Variants in ZSCAN26 observed in about 807,000 individuals in gnomAD.
The protein encoded by ZSCAN26 is zinc finger and SCAN domain containing 26.
A neutral mutation model predicts 23.0 loss-of-function variants in ZSCAN26; 26 were observed. The ratio of observed to expected loss-of-function variants is 1.13; its 90% CI spans 0.83 to 1.57. The LOEUF (loss-of-function observed/expected upper bound fraction) is 1.57. Among genes scored for constraint, ZSCAN26 ranks in the 40% most tolerant of loss-of-function variants. The pLI, the probability that ZSCAN26 is intolerant of heterozygous loss-of-function variation, is 0.00. For synonymous variants in ZSCAN26, 180 were observed against 202.5 expected (o/e 0.89, Z 0.94); for missense variants, 528 against 568.5 (o/e 0.93, Z 0.72).
In ZSCAN26 at chr6:28,272,213, G is replaced by A. The variant is rs747661353; in HGVS notation, c.294G>A (p.Gln98=). 1.9e-6 allele frequency: 3 copies of A among 1,613,996 alleles called. No individual in the cohort carries two copies. In the African/African-American group the frequency reaches 4.0e-5, roughly 22 times the overall value. ...TCCTGGAGCTGCTGGTGCTGGAGCAGTTTCTGATCATCCTGCCTAAGGAGC... is the reference window on the plus strand; with the variant it reads ...TCCTGGAGCTGCTGGTGCTGGAGCAATTTCTGATCATCCTGCCTAAGGAGC... The part of the protein sequence containing the change: ...EQILELLVLE[Q]FLIILPKELQ... The change falls in exon 2 of 4, where the codon CAG becomes CAA. Residue 98 remains glutamine (Q), a synonymous_variant. Coordinates refer to ENST00000421553, the MANE Select transcript of ZSCAN26 (RefSeq NM_001023560.4).
chr6:28,267,213 G>A lies in ZSCAN26; in HGVS notation c.-67G>A, dbSNP rs776486690. 1 of 152,338 alleles carries A rather than the reference G, an allele frequency of 6.6e-6. No individual in the cohort carries two copies. Among genetic ancestry groups the A allele is most frequent in the Non-Finnish European group, 1.5e-5 (1 of 68,148 alleles). The allele number at this position is 152,338 out of a possible 1,614,324, so 9.4% of individuals were successfully genotyped here. A position where few individuals can be genotyped will look rare whatever the true frequency, so the allele number is the denominator to read the frequency against. Reference sequence around the variant, plus strand: ...TGGGTCCTCTGAGGCCCCTTGACCAGGTGAGCGGACCCTGGAGCTGGGCCC... The same window carrying A: ...TGGGTCCTCTGAGGCCCCTTGACCAAGTGAGCGGACCCTGGAGCTGGGCCC... On this transcript the variant is annotated splice_region_variant and 5_prime_UTR_variant, in exon 1 of 4. Transcript: ENST00000421553.
At chr6:28,273,482 A>G (rs1021230247) in intron 3 of ZSCAN26, among the ~76,000 whole-genome samples, 1 of 152,074 alleles carries the variant, frequency 6.6e-6, no homozygotes, top group Non-Finnish European at 1.5e-5. Flanking sequence ...CTGAGATTGC[A>G]GTGAGCTGAG....
chr6:28,276,529 C>T lies in ZSCAN26; in HGVS notation c.873C>T (p.Ala291=). Residue 291 remains alanine (A), a synonymous_variant, in exon 4 of 4, where the codon GCC becomes GCT. Transcript: ENST00000421553. The stretch of plus-strand genomic sequence containing the variant: ...ATCAGTGTCATGAGTGTGGGAAAGC[C>T]TTTCAGAGGAGTTCACACCTCGTCA... ...KGHQCHECGK[A]FQRSSHLVRH... 6.2e-7 allele frequency: 1 copy of T among 1,613,704 alleles called. No individual in the cohort carries two copies. Among genetic ancestry groups the T allele is most frequent in the Non-Finnish European group, 8.5e-7 (1 of 1,179,764 alleles).
intron 3 of ZSCAN26, among the ~76,000 whole-genome samples, chr6:28,275,774 T>A (rs894205962): frequency 1.3e-5 from 2 of 152,214 alleles, no homozygotes; most frequent in Admixed American, 6.5e-5. Flanking sequence ...GGGCACCACA[T>A]CTACATTTCT....
At position 28,277,133 on chromosome 6, in the gene ZSCAN26, A is replaced by G. The variant is rs1761985225; in HGVS notation, c.*37A>G. The G allele has an allele frequency of 6.3e-7, 1 of 1,576,292 alleles. No homozygotes were observed. Among genetic ancestry groups the G allele is most frequent in the African/African-American group, 1.4e-5 (1 of 73,562 alleles). On this transcript the variant is annotated 3_prime_UTR_variant, in exon 4 of 4. Transcript: ENST00000421553. ...CTCCTTGTAGAACATCAGAGAAGGC[A>G]CATTGACTAGCAAACAGCACTTTAG...
chr6:28,273,260 T>A (rs1761786344), intron 3 of ZSCAN26, among the ~76,000 whole-genome samples: 1 of 151,798 alleles, frequency 6.6e-6, no homozygotes, highest in African/African-American at 2.4e-5. Flanking sequence ...AAGCAAATAG[T>A]GGCCAGGCAT....
rs574074069 is a variant in ZSCAN26 at position 28,272,090 on chromosome 6, G to T, written c.171G>T (p.Leu57Phe). The change falls in exon 2 of 4, where the codon TTG (leucine) becomes TTT (phenylalanine). Residue 57 changes from leucine (L) to phenylalanine (F), a missense_variant. Leu to Phe is a conservative substitution (Grantham distance 22, BLOSUM62 0). Coordinates refer to ENST00000421553, the MANE Select transcript of ZSCAN26 (RefSeq NM_001023560.4). ...QEPLCKQFRQ[L>F]RYEETTGPRE... is the part of the protein sequence containing the mutation. ...CATTGTGCAAACAATTCAGGCAGTT[G>T]CGTTATGAAGAGACCACAGGACCTC... The T allele has an allele frequency of 8.2e-6, 13 of 1,578,976 alleles. No homozygotes were observed. In the East Asian group the frequency reaches 2.8e-4, roughly 34 times the overall value.
chr6:28,277,120 C>T lies in ZSCAN26; in HGVS notation c.*24C>T. 1 of 1,592,862 alleles carries T rather than the reference C, an allele frequency of 6.3e-7. No homozygotes were observed. Among genetic ancestry groups the T allele is most frequent in the Non-Finnish European group, 8.5e-7 (1 of 1,171,156 alleles). Reference sequence around the variant, plus strand: ...GATGAGGTGTTCTCTCCTTGTAGAACATCAGAGAAGGCACATTGACTAGCA... The same window carrying T: ...GATGAGGTGTTCTCTCCTTGTAGAATATCAGAGAAGGCACATTGACTAGCA... On this transcript the variant is annotated 3_prime_UTR_variant, in exon 4 of 4. Coordinates refer to ENST00000421553, the MANE Select transcript of ZSCAN26 (RefSeq NM_001023560.4).
At chr6:28,275,538 C>T (rs1280860032) in intron 3 of ZSCAN26, among the ~76,000 whole-genome samples, 2 of 152,106 alleles carry the variant, frequency 1.3e-5, no homozygotes, top group African/African-American at 2.4e-5. Flanking sequence ...GTGCAGGGAG[C>T]GACAGACATG....
chr6:28,272,296 T>C lies in ZSCAN26; in HGVS notation c.377T>C (p.Leu126Pro). Residue 126 changes from leucine to proline, a missense_variant, in exon 2 of 4, where the codon CTG becomes CCG. Coordinates refer to ENST00000421553, the MANE Select transcript of ZSCAN26 (RefSeq NM_001023560.4). ...PESREDVVVV[L>P]EDLQLDLGET... ...AGCAGGGAGGACGTGGTTGTTGTTC[T>C]GGAGGATTTGCAGCTGGATCTTGGA... 1 of 1,579,894 alleles carries C rather than the reference T, an allele frequency of 6.3e-7. No homozygotes were observed. Among genetic ancestry groups the C allele is most frequent in the Non-Finnish European group, 8.6e-7 (1 of 1,162,462 alleles).
intron 2 of ZSCAN26, 139 bp from the exon 3 acceptor site, chr6:28,272,531 C>A: frequency 1.0e-6 from 1 of 969,674 alleles, no homozygotes; most frequent in Non-Finnish European, 1.5e-6. Flanking sequence ...GAATGTGCAC[C>A]AGATTCCCCA....
At chr6:28,269,839 G>T (rs1761611638) in intron 1 of ZSCAN26, among the ~76,000 whole-genome samples, 1 of 152,156 alleles carries the variant, frequency 6.6e-6, no homozygotes, top group African/African-American at 2.4e-5. Context: ...CACCCTCACA[G>T]AAACATCCAG....
At chr6:28,270,565 A>G (rs982995235) in intron 1 of ZSCAN26, among the ~76,000 whole-genome samples, 7 of 152,246 alleles carry the variant, frequency 4.6e-5, no homozygotes, top group African/African-American at 1.7e-4. Flanking sequence ...GGCAGAAGGA[A>G]ATTCAGGTCT....
At chr6:28,275,069 T>C (rs1468056186) in intron 3 of ZSCAN26, among the ~76,000 whole-genome samples, 1 of 152,176 alleles carries the variant, frequency 6.6e-6, no homozygotes, top group Non-Finnish European at 1.5e-5. Context: ...TACTAATTCC[T>C]TCACTTTCAC....
At position 28,274,728 on chromosome 6, in the gene ZSCAN26, C is replaced by G. The variant is rs562247200; in HGVS notation, c.539-1467C>G. Among the ~76,000 whole-genome samples the G allele has an allele frequency of 3.3e-5, 5 of 152,308 alleles. No individual in the cohort carries two copies. The South Asian group carries it at 1.0e-3, about 32-fold the overall frequency. On this transcript the variant is annotated intron_variant, in intron 3 of 3. Transcript: ENST00000421553. ...CTGTACTCCAGCGTTGGCAACAGAG[C>G]AAGACCATGTCTCAAAAAAAGTGAA...
intron 1 of ZSCAN26, among the ~76,000 whole-genome samples, chr6:28,269,911 C>G (rs1761613839): frequency 6.6e-6 from 1 of 152,142 alleles, no homozygotes; most frequent in African/African-American, 2.4e-5. Context: ...ATAAAATTAA[C>G]CATTACAATA....
In ZSCAN26 at chr6:28,276,838, C is replaced by T. The variant is rs564243848; in HGVS notation, c.1182C>T (p.Ser394=). Residue 394 remains serine, a synonymous_variant, in exon 4 of 4, where the codon AGC becomes AGT. Transcript: ENST00000421553. ...HHQRIHSHSK[S]HQCNECGKAF... Reference sequence around the variant, plus strand: ...AGAGAATCCATAGTCACTCCAAAAGCCATCAATGTAACGAGTGTGGAAAAG... The same window carrying T: ...AGAGAATCCATAGTCACTCCAAAAGTCATCAATGTAACGAGTGTGGAAAAG... 1 of 1,613,926 alleles carries T rather than the reference C, an allele frequency of 6.2e-7. No homozygotes were observed. The highest frequency in any genetic ancestry group is 1.1e-5 in the South Asian group (1 of 91,082).
intron 1 of ZSCAN26, among the ~76,000 whole-genome samples, chr6:28,269,331 C>T (rs1211824964): frequency 1.3e-5 from 2 of 151,584 alleles, no homozygotes; most frequent in Non-Finnish European, 2.9e-5. Context: ...AACAATAATA[C>T]GAATTATGTA....
chr6:28,276,973 T>A lies in ZSCAN26; in HGVS notation c.1317T>A (p.Ala439=). Residue 439 remains alanine, a synonymous_variant, in exon 4 of 4, where the codon GCT becomes GCA. Transcript: ENST00000421553. ...CCTTCCGACTAAACTCACACCTTGC[T>A]CAGCATGTAAGAATCCACAATGAAG... ...QKAFRLNSHL[A]QHVRIHNEEK... is the part of the protein sequence containing the mutation. The A allele has an allele frequency of 6.2e-7, 1 of 1,614,016 alleles. No homozygotes were observed. The highest frequency in any genetic ancestry group is 1.1e-5 in the South Asian group (1 of 91,088).
Sources: gnomAD v4.1 joint callset for allele counts (sites outside exome capture counted in the v4.1 genomes callset) on GRCh38, gnomAD v4.1.1 for gene constraint, MANE v1.5 for transcripts, NCBI Gene and HGNC (gene_info 2026-07-23, HGNC 2026-07-21) for gene names.